The following ERMP1 variants were observed in gnomAD, a reference collection of about 807,000 sequenced individuals.
The protein encoded by ERMP1 is Felix-ina.
ERMP1 carries 86 observed loss-of-function variants against 92.0 expected under a neutral mutation model. The observed-to-expected ratio is 0.93, with a 90% CI of 0.79 to 1.12. ERMP1 has a LOEUF of 1.12. ERMP1 is among the 50% of genes most tolerant of loss of function. ERMP1 has a pLI of 0.00. For missense variants in ERMP1, 1,342 were observed against 1,116.3 expected (o/e 1.20, Z -2.88); for synonymous variants, 530 against 412.8 (o/e 1.28, Z -3.44).
Position 5,811,337 on chromosome 9 carries a change from CAAAAA to C in ERMP1, c.1115-19_1115-15del, listed in dbSNP as rs576879033. ...AAATGTTGTCACCTATTAGTAAAAACAAAAAAAAAAAGAAAGAAAAGGAAAAAGAT... is the reference window on the plus strand; with the variant it reads ...AAATGTTGTCACCTATTAGTAAAAACAAAAAAGAAAGAAAAGGAAAAAGAT... On this transcript the variant is annotated splice_polypyrimidine_tract_variant and intron_variant, in intron 6 of 14. Coordinates refer to ENST00000339450, the MANE Select transcript of ERMP1 (RefSeq NM_024896.3). 37 of 1,155,130 alleles carry C rather than the reference CAAAAA, an allele frequency of 3.2e-5. No individual in the cohort carries two copies. The highest frequency in any genetic ancestry group is 4.4e-5 in the Non-Finnish European group (37 of 849,700). The allele number at this position is 1,155,130 out of a possible 1,614,324, so 71.6% of individuals were successfully genotyped here.
intron 5 of ERMP1, among the ~76,000 whole-genome samples, chr9:5,859,898 T>C (rs1471845234): frequency 1.3e-5 from 2 of 152,214 alleles, no homozygotes; most frequent in African/African-American, 4.8e-5. Context: ...CAGCCTTAGA[T>C]ATACTTTGAA....
At chr9:5,799,148 G>T in intron 11 of ERMP1, 140 bp from the exon 12 acceptor site, 1 of 607,160 alleles carries the variant, frequency 1.6e-6, no homozygotes, top group Admixed American at 3.0e-5. Context: ...GAGTTTCTAA[G>T]GTACTGCTAG....
At chr9:5,814,749 T>C (rs1351815898) in intron 4 of ERMP1, among the ~76,000 whole-genome samples, 1 of 151,862 alleles carries the variant, frequency 6.6e-6, no homozygotes, top group Non-Finnish European at 1.5e-5. Context: ...AAATTAAAAA[T>C]TAAAAATGAC....
intron 2 of ERMP1, among the ~76,000 whole-genome samples, 162 bp downstream of exon 2, chr9:5,830,565 C>G (rs1177332124): frequency 6.6e-6 from 1 of 152,128 alleles, no homozygotes. Context: ...ATGGTTAGAT[C>G]CTAAACTAAA....
At chr9:5,831,081 C>T (rs1386969616) in intron 1 of ERMP1, 53 bp from the exon 2 acceptor site, 6 of 1,480,436 alleles carry the variant, frequency 4.1e-6, no homozygotes, top group Non-Finnish European at 4.6e-6. Flanking sequence ...TGACACTTAG[C>T]GTGGGTAACT....
intron 6 of ERMP1, among the ~76,000 whole-genome samples, chr9:5,847,505 T>C (rs569642494): frequency 6.8e-4 from 104 of 152,106 alleles, no homozygotes; most frequent in Non-Finnish European, 1.1e-3. Flanking sequence ...CCCAAAGTGC[T>C]GGGATTACAG....
chr9:5,832,139 AGATAAACTGCAGG>A (rs1215226310), intron 1 of ERMP1, among the ~76,000 whole-genome samples: 2 of 152,168 alleles, frequency 1.3e-5, no homozygotes, highest in Non-Finnish European at 2.9e-5. Context: ...AGGGGCCTAA[AGATAAACTGCAGG>A]GATCTGAGAA....
intron 6 of ERMP1, among the ~76,000 whole-genome samples, chr9:5,844,089 C>G (rs1830204517): frequency 6.6e-6 from 1 of 152,084 alleles, no homozygotes; most frequent in Non-Finnish European, 1.5e-5. Context: ...ACATACATTT[C>G]CTTACCAGGG....
intron 13 of ERMP1, 59 bp downstream of exon 13, chr9:5,797,758 C>T: frequency 1.0e-6 from 1 of 1,001,728 alleles, no homozygotes; most frequent in East Asian, 2.4e-5. Flanking sequence ...AACATACATG[C>T]CACTTATTAA....
chr9:5,858,136 G>A (rs1348667834), intron 6 of ERMP1, among the ~76,000 whole-genome samples: 1 of 152,214 alleles, frequency 6.6e-6, no homozygotes, highest in Non-Finnish European at 1.5e-5. Flanking sequence ...AACAAGTAGG[G>A]CAGTGAGCAT....
chr9:5,786,834 G>C lies in ERMP1; in HGVS notation c.*310C>G. 5.0e-6 allele frequency: 1 copy of C among 200,094 alleles called. No homozygotes were observed. The highest frequency in any genetic ancestry group is 1.0e-5 in the Non-Finnish European group (1 of 97,938). 12.4% of individuals were successfully genotyped at this position (200,094 alleles called of 1,614,324 possible). ...GTGTACATCTTTCTTGATCCTAAAGGGGCAGCTATTGAAGTGGATTGTTGG... is the reference window on the plus strand; with the variant it reads ...GTGTACATCTTTCTTGATCCTAAAGCGGCAGCTATTGAAGTGGATTGTTGG... On this transcript the variant is annotated 3_prime_UTR_variant, in exon 15 of 15. Transcript: ENST00000339450.
intron 8 of ERMP1, 63 bp from the exon 9 acceptor site, chr9:5,805,848 A>G (rs1281793191): frequency 4.0e-6 from 5 of 1,241,716 alleles, no homozygotes; most frequent in East Asian, 2.7e-5. Flanking sequence ...AGCTTTTATT[A>G]TAGTAACACA....
At chr9:5,866,275 T>C (rs1424570670) in intron 5 of ERMP1, among the ~76,000 whole-genome samples, 1 of 152,230 alleles carries the variant, frequency 6.6e-6, no homozygotes, top group Non-Finnish European at 1.5e-5. Flanking sequence ...GAACAGGATA[T>C]ATTGTTTGGA....
chr9:5,860,640 G>GT (rs1363770107), intron 5 of ERMP1, among the ~76,000 whole-genome samples: 1 of 150,422 alleles, frequency 6.6e-6, no homozygotes, highest in Non-Finnish European at 1.5e-5. Flanking sequence ...GAGATCGGGG[G>GT]GTCTCACTCT....
intron 1 of ERMP1, among the ~76,000 whole-genome samples, chr9:5,832,042 A>G (rs1398108740): frequency 6.6e-6 from 1 of 152,030 alleles, no homozygotes; most frequent in Non-Finnish European, 1.5e-5. Context: ...CTGGGTTACA[A>G]TATCTTTGAC....
chr9:5,820,948 C>G (rs1314305768), intron 4 of ERMP1, among the ~76,000 whole-genome samples: 1 of 152,106 alleles, frequency 6.6e-6, no homozygotes, highest in Non-Finnish European at 1.5e-5. Context: ...TCAGAAAGCA[C>G]CCAGAAAGCT....
chr9:5,863,185 G>C (rs975975203), intron 5 of ERMP1, among the ~76,000 whole-genome samples: 7 of 152,162 alleles, frequency 4.6e-5, no homozygotes, highest in African/African-American at 1.7e-4. Context: ...CATTAGACAT[G>C]TAATGTTAGA....
intron 6 of ERMP1, among the ~76,000 whole-genome samples, chr9:5,851,250 A>T (rs1173807253): frequency 6.6e-6 from 1 of 152,234 alleles, no homozygotes; most frequent in Non-Finnish European, 1.5e-5. Context: ...TTTAGCAGTC[A>T]TACAGCACCT....
intron 3 of ERMP1, 29 bp from the exon 4 acceptor site, chr9:5,824,030 T>C: frequency 1.3e-6 from 2 of 1,546,230 alleles, no homozygotes; most frequent in South Asian, 1.1e-5. Context: ...AAACAAATAT[T>C]TGTTAAACAA....
Sources: gnomAD v4.1 joint callset for allele counts (sites outside exome capture counted in the v4.1 genomes callset) on GRCh38, gnomAD v4.1.1 for gene constraint, MANE v1.5 for transcripts, NCBI Gene and HGNC (gene_info 2026-07-23, HGNC 2026-07-21) for gene names.